The following MAGI2 variants were observed in gnomAD, a reference collection of about 807,000 sequenced individuals.
MAGI2 encodes membrane-associated guanylate kinase, WW and PDZ domain-containing protein 2.
A neutral mutation model predicts 133.3 loss-of-function variants in MAGI2; 35 were observed. The ratio of observed to expected loss-of-function variants is 0.26; its 90% CI spans 0.20 to 0.35. The LOEUF is 0.35. Ranked by LOEUF, MAGI2 falls within the 10% of genes least tolerant of loss-of-function variation. The pLI is 1.00. For missense variants in MAGI2, 1,636 were observed against 1,863.4 expected, an observed-to-expected ratio of 0.88 and a Z score of 2.25; for synonymous variants, 729 against 710.6, an observed-to-expected ratio of 1.03 and a Z score of -0.41.
intron 2 of MAGI2, among the ~76,000 whole-genome samples, chr7:78,687,794 C>T (rs1004917700): frequency 3.2e-4 from 48 of 151,206 alleles, no homozygotes; most frequent in African/African-American, 9.7e-4. Context: ...CATGGTGAAA[C>T]CCCTTCTCTA....
At chr7:79,363,199 T>C (rs878907031) in intron 1 of MAGI2, among the ~76,000 whole-genome samples, 1 of 149,992 alleles carries the variant, frequency 6.7e-6, no homozygotes, top group African/African-American at 2.4e-5. Context: ...TTTCAATCAC[T>C]TCGAATAAAA....
intron 2 of MAGI2, among the ~76,000 whole-genome samples, chr7:78,700,948 C>A (rs998608764): frequency 5.4e-5 from 7 of 128,742 alleles, no homozygotes; most frequent in Non-Finnish European, 7.1e-5. Flanking sequence ...AAGTGTGTTA[C>A]ATTTACATAT....
rs80120926 is a variant in MAGI2, at chr7:78,113,597, T to C, written c.3567+12097A>G. ...TACAGTATTCAGTACAATAACATGC[T>C]GTCCAGGTTTGTAGCCTAGGAGCTA... On this transcript the variant is annotated intron_variant, in intron 20 of 21. Coordinates refer to ENST00000354212, the MANE Select transcript of MAGI2 (RefSeq NM_012301.4). 1.3e-3 allele frequency among the ~76,000 whole-genome samples: 205 copies of C among 152,308 alleles called. 4 individuals carry two copies. In the East Asian group the frequency reaches 0.033, roughly 24 times the overall value.
chr7:79,446,492 C>T (rs1400493601), intron 1 of MAGI2, among the ~76,000 whole-genome samples: 1 of 151,254 alleles, frequency 6.6e-6, no homozygotes, highest in Non-Finnish European at 1.5e-5. Flanking sequence ...TAAAGTAAGC[C>T]AAAATAAATA....
At chr7:78,432,463 A>T (rs1799887826) in intron 6 of MAGI2, among the ~76,000 whole-genome samples, 1 of 152,094 alleles carries the variant, frequency 6.6e-6, no homozygotes, top group Admixed American at 6.6e-5. Context: ...CATGATTAAG[A>T]TTCTCAAGAA....
chr7:78,333,189 T>C (rs562504358), intron 9 of MAGI2, among the ~76,000 whole-genome samples: 1 of 152,360 alleles, frequency 6.6e-6, no homozygotes, highest in Admixed American at 6.5e-5. Flanking sequence ...CTGCTTATAA[T>C]TTCTGGATGT....
chr7:78,786,816 A>G (rs533584571), intron 2 of MAGI2, among the ~76,000 whole-genome samples: 2 of 152,128 alleles, frequency 1.3e-5, no homozygotes, highest in Non-Finnish European at 2.9e-5. Flanking sequence ...GTGCCACCCC[A>G]CTAGAATGGA....
chr7:79,300,119 A>G (rs555706990), intron 1 of MAGI2, among the ~76,000 whole-genome samples: 41 of 152,140 alleles, frequency 2.7e-4, no homozygotes, highest in Non-Finnish European at 4.9e-4. Flanking sequence ...ATCAGTACTG[A>G]GAAGTGAGGC....
Position 79,195,028 on chromosome 7 carries a change from G to A in MAGI2, c.302-187822C>T, listed in dbSNP as rs564547196. Among the ~76,000 whole-genome samples, 5 of 151,952 alleles carry A rather than the reference G, an allele frequency of 3.3e-5. No individual in the cohort carries two copies. The East Asian group carries it at 9.7e-4, about 29-fold the overall frequency. The stretch of plus-strand genomic sequence containing the variant: ...AGTAATATTGAGTCAAATATTAGAA[G>A]GCCATTGAACCTAATGACTTTTTCG... On this transcript the variant is annotated intron_variant, in intron 1 of 21. Transcript: ENST00000354212.
At chr7:78,666,884 T>A (rs1461934092) in intron 2 of MAGI2, among the ~76,000 whole-genome samples, 2 of 152,164 alleles carry the variant, frequency 1.3e-5, no homozygotes, top group African/African-American at 4.8e-5. Context: ...CTCTTTCTAT[T>A]AACATCAGTT....
Position 78,901,160 on chromosome 7 carries a change from A to G in MAGI2, c.418+105930T>C, listed in dbSNP as rs978314663. On this transcript the variant is annotated intron_variant, in intron 2 of 21. Transcript: ENST00000354212. Reference sequence around the variant, plus strand: ...AAAAGACCCCACTGTAATATCTATAAGTTTAAGGAGCAGGGATTAAATCAA... The same window carrying G: ...AAAAGACCCCACTGTAATATCTATAGGTTTAAGGAGCAGGGATTAAATCAA... The G allele has an allele frequency of 6.6e-5, 10 of 152,342 alleles. 2 individuals carry two copies. Among genetic ancestry groups the G allele is most frequent in the Admixed American group, 5.9e-4 (9 of 15,304 alleles). 9.4% of individuals were successfully genotyped at this position (152,342 alleles called of 1,614,324 possible).
At chr7:79,114,665 GC>G (rs1402519522) in intron 1 of MAGI2, among the ~76,000 whole-genome samples, 1 of 151,966 alleles carries the variant, frequency 6.6e-6, no homozygotes, top group Non-Finnish European at 1.5e-5. Context: ...GACACACAGA[GC>G]CCCCCCATTA....
intron 2 of MAGI2, among the ~76,000 whole-genome samples, chr7:78,731,674 G>A (rs1398650785): frequency 6.6e-6 from 1 of 152,116 alleles, no homozygotes; most frequent in Admixed American, 6.5e-5. Context: ...CAGAAATAAT[G>A]AAATACAAAA....
intron 2 of MAGI2, among the ~76,000 whole-genome samples, chr7:78,860,306 T>A (rs1200632404): frequency 6.6e-6 from 1 of 152,224 alleles, no homozygotes; most frequent in Non-Finnish European, 1.5e-5. Flanking sequence ...TGCATTCCTT[T>A]GGAGAAGAGG....
intron 1 of MAGI2, among the ~76,000 whole-genome samples, chr7:79,032,365 A>T (rs1810676895): frequency 6.6e-6 from 1 of 152,094 alleles, no homozygotes; most frequent in Admixed American, 6.5e-5. Flanking sequence ...AAAAATATAA[A>T]AAATTAGATG....
chr7:78,521,294 A>T, intron 4 of MAGI2, 136 bp downstream of exon 4: 1 of 514,048 alleles, frequency 1.9e-6, no homozygotes, highest in South Asian at 4.3e-5. Flanking sequence ...GTGAACACAC[A>T]GATGTAAGAA....
intron 3 of MAGI2, among the ~76,000 whole-genome samples, chr7:78,553,110 A>AC (rs1563159973): frequency 1.4e-5 from 2 of 144,430 alleles, no homozygotes; most frequent in African/African-American, 5.1e-5. Flanking sequence ...AAAAAAAAAC[A>AC]AACACCAAAG....
At chr7:78,664,831 T>G (rs908573562) in intron 2 of MAGI2, among the ~76,000 whole-genome samples, 2 of 152,030 alleles carry the variant, frequency 1.3e-5, no homozygotes, top group Non-Finnish European at 2.9e-5. Context: ...AAAGCACTTT[T>G]ATTTAAACTA....
chr7:78,607,128 C>T (rs1805901064), intron 3 of MAGI2, among the ~76,000 whole-genome samples: 2 of 152,078 alleles, frequency 1.3e-5, no homozygotes, highest in South Asian at 4.1e-4. Flanking sequence ...ATTGTTTGGC[C>T]GCCAAACATC....
Sources: allele counts gnomAD v4.1 joint callset (sites outside exome capture counted in the v4.1 genomes callset), GRCh38; gene constraint gnomAD v4.1.1; transcripts MANE v1.5; gene names NCBI Gene and HGNC (gene_info 2026-07-23, HGNC 2026-07-21).